FN3KRP: variants seen among roughly 807,000 people sequenced by gnomAD.
The protein encoded by FN3KRP is ketosamine-3-kinase.
FN3KRP carries 33 observed loss-of-function variants against 29.8 expected under a neutral mutation model. That is an observed-to-expected ratio of 1.11 (90% CI 0.84 to 1.48). The LOEUF (loss-of-function observed/expected upper bound fraction) is 1.48, where lower values mean the gene tolerates loss of function less well. FN3KRP is among the 40% of genes most tolerant of loss of function. The pLI, the probability that FN3KRP is intolerant of heterozygous loss-of-function variation, is 0.00. For missense variants in FN3KRP, 430 were observed against 402.6 expected, an observed-to-expected ratio of 1.07 and a Z score of -0.58; for synonymous variants, 157 against 155.2, an observed-to-expected ratio of 1.01 and a Z score of -0.09.
intron 4 of FN3KRP, 135 bp downstream of exon 4, chr17:82,723,021 T>G: frequency 1.3e-6 from 1 of 780,848 alleles, no homozygotes. Flanking sequence ...TGCTGATGTT[T>G]GAGAGGTTGA....
At chr17:82,726,104 C>T (rs9895455) in intron 4 of FN3KRP, among the ~76,000 whole-genome samples, 44,064 of 151,858 alleles carry the variant, frequency 0.29, 6,694 homozygotes, top group East Asian at 0.5. Flanking sequence ...TGCTTGAACC[C>T]GGGAGGCAGA....
chr17:82,718,929 G>C lies in FN3KRP; in HGVS notation c.165G>C (p.Glu55Asp). 6.2e-7 allele frequency: 1 copy of C among 1,614,052 alleles called. No homozygotes were observed. Residue 55 changes from glutamate (E) to aspartate (D), a missense_variant, in exon 2 of 6, where the codon GAG (glutamate) becomes GAC (aspartate). Transcript: ENST00000269373. The stretch of plus-strand genomic sequence containing the variant: ...AGGCCAGAAGAATGTTTGAAGGTGA[G>C]ATGGCAAGTTTAACTGCCATCCTGA... ...KAEARRMFEG[E>D]MASLTAILKT...
intron 3 of FN3KRP, 114 bp from the exon 4 acceptor site, chr17:82,722,689 AG>A: frequency 2.2e-6 from 2 of 906,182 alleles, no homozygotes; most frequent in Non-Finnish European, 1.7e-6. Flanking sequence ...TGTCTCTGGC[AG>A]GGGCATAAGC....
At chr17:82,718,253 T>C (rs1394842195) in intron 1 of FN3KRP, among the ~76,000 whole-genome samples, 1 of 151,908 alleles carries the variant, frequency 6.6e-6, no homozygotes, top group African/African-American at 2.4e-5. Context: ...GGCAGTGGTG[T>C]GTGTAGCAGG....
At chr17:82,725,245 C>T (rs1244403393) in intron 4 of FN3KRP, among the ~76,000 whole-genome samples, 3 of 152,124 alleles carry the variant, frequency 2.0e-5, no homozygotes, top group Non-Finnish European at 4.4e-5. Context: ...CCTCCTGCCC[C>T]AGCCTCCCAT....
At chr17:82,717,139 CG>C (rs2046762088) in intron 1 of FN3KRP, among the ~76,000 whole-genome samples, 1 of 152,070 alleles carries the variant, frequency 6.6e-6, no homozygotes, top group East Asian at 1.9e-4. Context: ...GCAGGAACCG[CG>C]GCCGCCCCAC....
chr17:82,722,828 G>A lies in FN3KRP; in HGVS notation c.410G>A (p.Arg137Gln), dbSNP rs201092965. The change falls in exon 4 of 6, where the codon CGG (arginine) becomes CAG (glutamine). Residue 137 changes from arginine to glutamine, a missense_variant. Arg to Gln is a conservative substitution (Grantham distance 43). Coordinates refer to ENST00000269373, the MANE Select transcript of FN3KRP (RefSeq NM_024619.4). ...TVGRGGGQEE[R>Q]PFVARFGFDV... Reference sequence around the variant, plus strand: ...GGGAGAGGAGGTGGGCAGGAGGAACGGCCCTTTGTGGCCCGGTTTGGATTT... The same window carrying A: ...GGGAGAGGAGGTGGGCAGGAGGAACAGCCCTTTGTGGCCCGGTTTGGATTT... 10 of 1,614,042 alleles carry A rather than the reference G, an allele frequency of 6.2e-6. No homozygotes were observed. Among genetic ancestry groups the A allele is most frequent in the South Asian group, 4.4e-5 (4 of 91,068 alleles).
chr17:82,718,122 G>C (rs745341247), intron 1 of FN3KRP, among the ~76,000 whole-genome samples: 1 of 150,720 alleles, frequency 6.6e-6, no homozygotes, highest in Non-Finnish European at 1.5e-5. Context: ...GTCGTATGTT[G>C]TGTGTGTTGT....
chr17:82,721,289 T>G (rs1180032203), intron 3 of FN3KRP, among the ~76,000 whole-genome samples: 1 of 152,060 alleles, frequency 6.6e-6, no homozygotes, highest in Non-Finnish European at 1.5e-5. Flanking sequence ...GGTTTCACCA[T>G]GTAGGCCAGG....
At chr17:82,723,686 C>T (rs534579604) in intron 4 of FN3KRP, among the ~76,000 whole-genome samples, 7 of 152,048 alleles carry the variant, frequency 4.6e-5, no homozygotes, top group African/African-American at 7.2e-5. Context: ...TGTGTGCAGG[C>T]GTGTGTGCGC....
At position 82,727,306 on chromosome 17, in the gene FN3KRP, T is replaced by C. The variant is rs370972441; in HGVS notation, c.*135T>C. 1 of 787,414 alleles carries C rather than the reference T, an allele frequency of 1.3e-6. No homozygotes were observed. 48.8% of individuals were successfully genotyped at this position (787,414 alleles called of 1,614,324 possible). On this transcript the variant is annotated 3_prime_UTR_variant, in exon 6 of 6. Coordinates refer to ENST00000269373, the MANE Select transcript of FN3KRP (RefSeq NM_024619.4). ...TTTCCAAGCCTTGCAAAGTATATAA[T>C]ATCTAAGAGGAAAGGTTTTGTCATC...
chr17:82,721,678 A>G (rs752631536), intron 3 of FN3KRP, among the ~76,000 whole-genome samples: 409 of 149,174 alleles, frequency 2.7e-3, no homozygotes, highest in African/African-American at 8.5e-3. Flanking sequence ...AATTTTTTGT[A>G]TTTTTAGTAG....
intron 1 of FN3KRP, 86 bp downstream of exon 1, chr17:82,716,982 C>G: frequency 6.8e-7 from 1 of 1,480,006 alleles, no homozygotes; most frequent in Non-Finnish European, 9.0e-7. Context: ...GCCTGGGCTT[C>G]TCCCGCCGGA....
rs550058687 is a variant in FN3KRP, at chr17:82,723,639, G to A, written c.468+753G>A. Among the ~76,000 whole-genome samples the A allele has an allele frequency of 2.1e-4, 32 of 152,248 alleles. 1 individual carries two copies. The highest frequency in any genetic ancestry group is 6.5e-4 in the Admixed American group (10 of 15,286). On this transcript the variant is annotated intron_variant, in intron 4 of 5. Transcript: ENST00000269373. ...TGTGCATATGTGTATGTGTGCACAC[G>A]TGTGTGCATGTGTGTACGCGTGTGC...
Position 82,719,044 on chromosome 17 carries a change from A to C in FN3KRP, c.280A>C (p.Arg94=). 1 of 1,611,484 alleles carries C rather than the reference A, an allele frequency of 6.2e-7. No homozygotes were observed. Among genetic ancestry groups the C allele is most frequent in the Non-Finnish European group, 8.5e-7 (1 of 1,179,658 alleles). ...SVLVMEHMDM[R]HLSSHAAKLG... is the part of the protein sequence containing the mutation. ...GCTGGTGATGGAGCACATGGACATG[A>C]GGCATCTGAGCAGGTGCATCTTCAC... The change falls in exon 2 of 6, where the codon AGG becomes CGG. Residue 94 remains arginine (R), a synonymous_variant. Coordinates refer to ENST00000269373, the MANE Select transcript of FN3KRP (RefSeq NM_024619.4).
rs955013102 is a variant in FN3KRP at position 82,726,890 on chromosome 17, G to T, written c.649G>T (p.Asp217Tyr). The T allele has an allele frequency of 6.3e-7, 1 of 1,589,470 alleles. No homozygotes were observed. The highest frequency in any genetic ancestry group is 1.7e-4 in the Middle Eastern group (1 of 5,914). Residue 217 changes from aspartate (D) to tyrosine (Y), a missense_variant, in exon 6 of 6, where the codon GAC becomes TAC. Transcript: ENST00000269373. ...LEIIPALLHGDLWGGNVAEDS... is the reference protein window; with the variant it reads ...LEIIPALLHGYLWGGNVAEDS... ...GATCATCCCAGCCTTACTCCACGGG[G>T]ACCTCTGGGGTGGAAACGTAGCAGA... is the stretch of plus-strand genomic sequence containing the variant.
chr17:82,726,007 G>A (rs534215636), intron 4 of FN3KRP, among the ~76,000 whole-genome samples: 3 of 151,928 alleles, frequency 2.0e-5, no homozygotes, highest in Non-Finnish European at 2.9e-5. Flanking sequence ...GCGAAACCCC[G>A]TCTCTACTAA....
chr17:82,719,035 A>G lies in FN3KRP; in HGVS notation c.271A>G (p.Met91Val), dbSNP rs938713483. ...GGGSVLVMEH[M>V]DMRHLSSHAA... Reference sequence around the variant, plus strand: ...CGGGAGCGTGCTGGTGATGGAGCACATGGACATGAGGCATCTGAGCAGGTG... The same window carrying G: ...CGGGAGCGTGCTGGTGATGGAGCACGTGGACATGAGGCATCTGAGCAGGTG... The change falls in exon 2 of 6, where the codon ATG (methionine) becomes GTG (valine). Residue 91 changes from methionine to valine, a missense_variant. By Grantham distance (21) the Met-to-Val change is conservative (BLOSUM62 1). Coordinates refer to ENST00000269373, the MANE Select transcript of FN3KRP (RefSeq NM_024619.4). 13 of 1,613,382 alleles carry G rather than the reference A, an allele frequency of 8.1e-6. No homozygotes were observed. Among genetic ancestry groups the G allele is most frequent in the South Asian group, 6.6e-5 (6 of 91,070 alleles).
intron 2 of FN3KRP, 27 bp downstream of exon 2, chr17:82,719,084 G>A (rs368365215): frequency 6.9e-7 from 1 of 1,450,886 alleles, no homozygotes; most frequent in Non-Finnish European, 9.1e-7. Context: ...CCCCCCACCT[G>A]GCTTTATTAC....
Sources: gnomAD v4.1 joint callset for allele counts (sites outside exome capture counted in the v4.1 genomes callset) on GRCh38, gnomAD v4.1.1 for gene constraint, MANE v1.5 for transcripts, NCBI Gene and HGNC (gene_info 2026-07-23, HGNC 2026-07-21) for gene names.